The following CDK15 variants were observed in gnomAD, a reference collection of about 807,000 sequenced individuals.
The protein encoded by CDK15 is cyclin dependent kinase 15, also known as cyclin-dependent kinase 15.
A neutral mutation model predicts 60.3 loss-of-function variants in CDK15; 62 were observed. The ratio of observed to expected loss-of-function variants is 1.03; its 90% CI spans 0.84 to 1.27. CDK15 has a LOEUF of 1.27. Among genes scored for constraint, CDK15 ranks in the 50% most tolerant of loss-of-function variants. The probability of loss-of-function intolerance (pLI) is 0.00; values close to 1 mark genes in which losing one functional copy is unlikely to be tolerated. For missense variants in CDK15, 541 were observed against 527.8 expected (o/e 1.03, Z -0.25); for synonymous variants, 194 against 195.7 (o/e 0.99, Z 0.07).
At chr2:201,861,369 AT>A in intron 10 of CDK15, 1 of 985,796 alleles carries the variant, frequency 1.0e-6, no homozygotes, top group African/African-American at 1.7e-5. Flanking sequence ...GTGTATACTT[AT>A]TGGAAATGGC....
chr2:201,828,140 G>C (rs1453392791), intron 6 of CDK15, among the ~76,000 whole-genome samples: 1 of 152,186 alleles, frequency 6.6e-6, no homozygotes, highest in Non-Finnish European at 1.5e-5. Context: ...AAGTTGGTTT[G>C]GAGAGAAAGA....
chr2:201,871,878 G>A (rs1698861820), intron 10 of CDK15, among the ~76,000 whole-genome samples: 1 of 151,808 alleles, frequency 6.6e-6, no homozygotes, highest in African/African-American at 2.4e-5. Flanking sequence ...GAGTCTCTTC[G>A]CCTCACCTTC....
chr2:201,821,535 G>T (rs1207926551), intron 4 of CDK15, among the ~76,000 whole-genome samples: 1 of 152,162 alleles, frequency 6.6e-6, no homozygotes. Flanking sequence ...TACACTGGGA[G>T]GGAGTTGGTG....
intron 7 of CDK15, 50 bp downstream of exon 7, chr2:201,834,021 G>A (rs757859559): frequency 1.3e-6 from 2 of 1,594,110 alleles, no homozygotes; most frequent in East Asian, 2.3e-5. Context: ...TGATGCTTTT[G>A]TGTGCACTTG....
rs1303049628 is a variant in CDK15, at chr2:201,894,706, CT to C, written c.*1441del. The C allele has an allele frequency of 1.3e-5, 2 of 152,184 alleles. No individual in the cohort carries two copies. Among genetic ancestry groups the C allele is most frequent in the African/African-American group, 4.8e-5 (2 of 41,450 alleles). The allele number at this position is 152,184 out of a possible 1,614,324, so 9.4% of individuals were successfully genotyped here. A position where few individuals can be genotyped will look rare whatever the true frequency, so the allele number is the denominator to read the frequency against. The stretch of plus-strand genomic sequence containing the variant: ...GAGGCTCAGTGAAGTTAGGTAACTC[CT>C]TCATAGTAGCATGCCAGAGTGAAGA... On this transcript the variant is annotated 3_prime_UTR_variant, in exon 14 of 14. Coordinates refer to ENST00000652192, the MANE Select transcript of CDK15 (RefSeq NM_001366386.2).
At chr2:201,856,107 C>T (rs1171289623) in intron 10 of CDK15, among the ~76,000 whole-genome samples, 1 of 152,182 alleles carries the variant, frequency 6.6e-6, no homozygotes, top group African/African-American at 2.4e-5. Context: ...GGATTACAGG[C>T]ATGAGCCAGC....
chr2:201,832,989 A>G (rs1187507496), intron 6 of CDK15, among the ~76,000 whole-genome samples: 1 of 152,232 alleles, frequency 6.6e-6, no homozygotes, highest in Non-Finnish European at 1.5e-5. Flanking sequence ...GGAAAATAGC[A>G]AAAGATACTT....
chr2:201,825,758 G>A (rs1696456995), intron 6 of CDK15, among the ~76,000 whole-genome samples: 2 of 152,184 alleles, frequency 1.3e-5, no homozygotes, highest in Non-Finnish European at 2.9e-5. Context: ...GAGACAGGTA[G>A]GCAAGAGAGT....
chr2:201,845,495 T>C (rs1042623431), intron 8 of CDK15, among the ~76,000 whole-genome samples: 15 of 151,284 alleles, frequency 9.9e-5, no homozygotes, highest in African/African-American at 2.7e-4. Flanking sequence ...CTCACATCTG[T>C]AGTCCTAGCA....
At chr2:201,891,197 G>C (rs1485595796) in intron 13 of CDK15, among the ~76,000 whole-genome samples, 6 of 152,204 alleles carry the variant, frequency 3.9e-5, no homozygotes, top group Non-Finnish European at 8.8e-5. Context: ...ATCGGTGTGA[G>C]ATCTTCAGCT....
intron 12 of CDK15, among the ~76,000 whole-genome samples, chr2:201,880,939 G>C (rs1004478324): frequency 6.6e-6 from 1 of 152,148 alleles, no homozygotes; most frequent in African/African-American, 2.4e-5. Flanking sequence ...GACAAGAAAA[G>C]CAAAGCTACC....
At chr2:201,874,913 A>T (rs1574931423) in intron 11 of CDK15, among the ~76,000 whole-genome samples, 1 of 152,096 alleles carries the variant, frequency 6.6e-6, no homozygotes, top group East Asian at 1.9e-4. Flanking sequence ...TAGGGGGAAA[A>T]CCAAAGAACC....
At chr2:201,850,925 G>A (rs1044918584) in intron 9 of CDK15, among the ~76,000 whole-genome samples, 1 of 152,092 alleles carries the variant, frequency 6.6e-6, no homozygotes, top group Non-Finnish European at 1.5e-5. Flanking sequence ...GTCATCTTTT[G>A]AGAAATGTGT....
intron 9 of CDK15, among the ~76,000 whole-genome samples, chr2:201,853,635 G>A (rs1457363692): frequency 6.6e-6 from 1 of 151,968 alleles, no homozygotes; most frequent in Admixed American, 6.6e-5. Flanking sequence ...CTGTAGTAGT[G>A]TAATGAAAGC....
intron 8 of CDK15, among the ~76,000 whole-genome samples, chr2:201,836,191 T>TTA (rs375587917): frequency 0.045 from 4,799 of 106,892 alleles, 383 homozygotes; most frequent in African/African-American, 0.15. Context: ...ATATATTTTT[T>TTA]TATATATATA....
intron 12 of CDK15, among the ~76,000 whole-genome samples, chr2:201,886,973 C>T (rs937505017): frequency 6.6e-6 from 1 of 152,174 alleles, no homozygotes; most frequent in East Asian, 1.9e-4. Context: ...CCCTTATACC[C>T]TATACCTTTG....
intron 10 of CDK15, among the ~76,000 whole-genome samples, chr2:201,868,414 C>T (rs756308042): frequency 9.2e-5 from 14 of 152,102 alleles, no homozygotes; most frequent in Non-Finnish European, 1.9e-4. Flanking sequence ...GGTCCTGGGT[C>T]CAAGTGCCTG....
At chr2:201,825,328 AAAG>A (rs984667808) in intron 6 of CDK15, among the ~76,000 whole-genome samples, 4 of 151,878 alleles carry the variant, frequency 2.6e-5, no homozygotes, top group African/African-American at 9.7e-5. Flanking sequence ...AAAAAAAAAA[AAAG>A]AAATATGTAA....
intron 8 of CDK15, among the ~76,000 whole-genome samples, chr2:201,839,656 A>G (rs923005692): frequency 3.9e-5 from 5 of 129,668 alleles, no homozygotes; most frequent in South Asian, 5.9e-4. Context: ...ATGTTTCAGA[A>G]AAGATATAGA....
Sources: gnomAD v4.1 joint callset for allele counts (sites outside exome capture counted in the v4.1 genomes callset) on GRCh38, gnomAD v4.1.1 for gene constraint, MANE v1.5 for transcripts, NCBI Gene and HGNC (gene_info 2026-07-23, HGNC 2026-07-21) for gene names.